DNAH9: variants seen among roughly 807,000 people sequenced by gnomAD.
The protein encoded by DNAH9 is dynein axonemal heavy chain 9.
In DNAH9, 345 loss-of-function variants were observed where a neutral mutation model predicts 471.6. The observed-to-expected ratio is 0.73, with a 90% CI of 0.67 to 0.80. The LOEUF (loss-of-function observed/expected upper bound fraction) is 0.80. Ranked by LOEUF, DNAH9 falls within the 30% of genes least tolerant of loss-of-function variation. The probability of loss-of-function intolerance (pLI) is 0.00; values close to 1 mark genes in which losing one functional copy is unlikely to be tolerated. For missense variants in DNAH9, 5,407 were observed against 5,609.2 expected (o/e 0.96, Z 1.15); for synonymous variants, 2,093 against 2,123.6 (o/e 0.99, Z 0.40).
chr17:11,943,749 T>C (rs1975021492), intron 67 of DNAH9, among the ~76,000 whole-genome samples: 1 of 152,066 alleles, frequency 6.6e-6, no homozygotes, highest in African/African-American at 2.4e-5. Context: ...TTCTCCTTCC[T>C]CCACCGCACC....
chr17:11,847,902 T>C (rs1472519393), intron 49 of DNAH9, among the ~76,000 whole-genome samples: 1 of 152,090 alleles, frequency 6.6e-6, no homozygotes. Context: ...CCGGTAGTCA[T>C]TTCTTCGGCC....
intron 49 of DNAH9, among the ~76,000 whole-genome samples, chr17:11,847,326 G>GT (rs1448283186): frequency 3.3e-5 from 5 of 152,112 alleles, no homozygotes; most frequent in Admixed American, 3.3e-4. Flanking sequence ...GTCTTCTTGG[G>GT]TTTTTATAAT....
At chr17:11,810,437 A>G in intron 45 of DNAH9, 68 bp downstream of exon 45, 1 of 1,554,696 alleles carries the variant, frequency 6.4e-7, no homozygotes, top group South Asian at 1.3e-5. Context: ...ACAAAGGTGA[A>G]GATTTCGTCC....
intron 41 of DNAH9, among the ~76,000 whole-genome samples, chr17:11,789,063 A>G (rs533417988): frequency 6.6e-6 from 1 of 152,192 alleles, no homozygotes; most frequent in South Asian, 2.1e-4. Context: ...TAAATCAACC[A>G]TTCCTGGAAT....
intron 38 of DNAH9, among the ~76,000 whole-genome samples, chr17:11,769,696 T>C (rs1968122611): frequency 1.3e-5 from 2 of 152,174 alleles, no homozygotes; most frequent in South Asian, 4.1e-4. Flanking sequence ...ATCATTTAAT[T>C]CATCTCTCAT....
chr17:11,610,785 A>G (rs2072617950), intron 3 of DNAH9, among the ~76,000 whole-genome samples: 1 of 152,214 alleles, frequency 6.6e-6, no homozygotes, highest in Admixed American at 6.5e-5. Flanking sequence ...CTGGGTTCAC[A>G]TCAGTATGTC....
intron 48 of DNAH9, among the ~76,000 whole-genome samples, chr17:11,824,804 A>G (rs1263448850): frequency 6.6e-6 from 1 of 151,870 alleles, no homozygotes; most frequent in African/African-American, 2.4e-5. Flanking sequence ...TCCTACTGAT[A>G]ATGCCAAACA....
At chr17:11,611,559 C>G in intron 3 of DNAH9, 91 bp from the exon 4 acceptor site, 1 of 1,335,752 alleles carries the variant, frequency 7.5e-7, no homozygotes, top group Non-Finnish European at 1.0e-6. Context: ...CGAGGCAGGG[C>G]TCCTCTCTTT....
At chr17:11,680,914 T>G (rs753441219) in intron 19 of DNAH9, 25 bp downstream of exon 19, 1 of 1,587,668 alleles carries the variant, frequency 6.3e-7, no homozygotes, top group Non-Finnish European at 8.6e-7. Flanking sequence ...CTGCTGCCTC[T>G]CTTTCTGTGA....
Position 11,900,339 on chromosome 17 carries a change from C to T in DNAH9, c.11407-2380C>T, listed in dbSNP as rs1973365079. On this transcript the variant is annotated intron_variant, in intron 59 of 68. Coordinates refer to ENST00000262442, the MANE Select transcript of DNAH9 (RefSeq NM_001372.4). ...AAGCCAGGACATGTGTTCATTTCCA[C>T]GGGACAAAAGCCTCTGCAAGCCCCG... 2.6e-5 allele frequency among the ~76,000 whole-genome samples: 4 copies of T among 151,798 alleles called. No homozygotes were observed. The South Asian group carries it at 6.3e-4, about 24-fold the overall frequency.
chr17:11,709,958 AG>A (rs1460430452), intron 26 of DNAH9, among the ~76,000 whole-genome samples: 1 of 152,174 alleles, frequency 6.6e-6, no homozygotes, highest in African/African-American at 2.4e-5. Context: ...GGACACAGCT[AG>A]CAAAAGTCGT....
At chr17:11,654,555 G>T (rs1233125560) in intron 14 of DNAH9, among the ~76,000 whole-genome samples, 2 of 151,666 alleles carry the variant, frequency 1.3e-5, no homozygotes, top group Admixed American at 6.6e-5. Flanking sequence ...AGTACATATT[G>T]TAACATTTTA....
Position 11,797,706 on chromosome 17 carries a change from C to T in DNAH9, c.8333C>T (p.Thr2778Ile). ...YMPVQSWELL[T>I]QTLVEALENH... is the part of the protein sequence containing the mutation. ...CCTGTACAGTCTTGGGAACTTTTGA[C>T]CCAGACTCTGGTGGAGGCCTTGGAG... The change falls in exon 43 of 69, where the codon ACC becomes ATC. Residue 2778 changes from threonine (T) to isoleucine (I), a missense_variant. Physicochemically the swap from Thr to Ile is moderately conservative, Grantham distance 89. This residue lies in a region of DNAH9 where 4,636 missense variants were observed against 4,900.3 expected (regional missense o/e 0.95). Transcript: ENST00000262442. The T allele has an allele frequency of 1.2e-6, 2 of 1,614,166 alleles. No homozygotes were observed. The highest frequency in any genetic ancestry group is 3.3e-4 in the Middle Eastern group (2 of 6,060).
intron 6 of DNAH9, among the ~76,000 whole-genome samples, chr17:11,624,607 A>C (rs1172065394): frequency 6.6e-6 from 1 of 152,220 alleles, no homozygotes; most frequent in East Asian, 1.9e-4. Flanking sequence ...CCATAGTTAC[A>C]CAGGTTGGAG....
chr17:11,606,542 G>A (rs1339270364), intron 1 of DNAH9, among the ~76,000 whole-genome samples: 7 of 129,988 alleles, frequency 5.4e-5, no homozygotes, highest in Non-Finnish European at 9.5e-5. Flanking sequence ...TCCGCCTCCC[G>A]GGTTCAAGCG....
intron 67 of DNAH9, among the ~76,000 whole-genome samples, chr17:11,948,567 T>C (rs1053495258): frequency 6.6e-6 from 1 of 152,150 alleles, no homozygotes; most frequent in African/African-American, 2.4e-5. Flanking sequence ...GTGTGTTGAC[T>C]TGAATAGTTC....
At chr17:11,843,859 G>GTATATATATATATATATA (rs1490566898) in intron 49 of DNAH9, among the ~76,000 whole-genome samples, 58 of 46,968 alleles carry the variant, frequency 1.2e-3, no homozygotes, top group South Asian at 4.4e-3. Flanking sequence ...GTGTGTGTGT[G>GTATATATATATATATATA]TGTGTATATA....
intron 45 of DNAH9, among the ~76,000 whole-genome samples, chr17:11,817,114 C>T (rs1444636888): frequency 6.6e-6 from 1 of 152,104 alleles, no homozygotes; most frequent in Non-Finnish European, 1.5e-5. Context: ...GGAAACTTCT[C>T]AAATATTTAA....
chr17:11,613,527 C>G (rs948025224), intron 4 of DNAH9, among the ~76,000 whole-genome samples: 1 of 152,154 alleles, frequency 6.6e-6, no homozygotes, highest in African/African-American at 2.4e-5. Flanking sequence ...ATCACTTGAA[C>G]CTGGGAGGCA....
Sources: gnomAD v4.1 joint callset for allele counts (sites outside exome capture counted in the v4.1 genomes callset) on GRCh38, gnomAD v4.1.1 for gene constraint, gnomAD v4.1.1 regional missense constraint, MANE v1.5 for transcripts, NCBI Gene and HGNC (gene_info 2026-07-23, HGNC 2026-07-21) for gene names.